Variants in ZNF609 observed in about 807,000 individuals in gnomAD.
ZNF609 encodes zinc finger protein 609.
In ZNF609, 11 loss-of-function variants were observed where a neutral mutation model predicts 109.5. The observed-to-expected ratio is 0.10, with a 90% CI of 0.06 to 0.17. The LOEUF (loss-of-function observed/expected upper bound fraction) is 0.17. ZNF609 is among the 10% of genes least tolerant of loss of function. ZNF609 has a pLI of 1.00. For synonymous variants in ZNF609, 646 were observed against 662.0 expected, an observed-to-expected ratio of 0.98 and a Z score of 0.37; for missense variants, 1,559 against 1,772.4, an observed-to-expected ratio of 0.88 and a Z score of 2.16.
At chr15:64,582,812 C>G (rs1356872906) in intron 2 of ZNF609, among the ~76,000 whole-genome samples, 1 of 116,480 alleles carries the variant, frequency 8.6e-6, no homozygotes, top group Non-Finnish European at 1.6e-5. Flanking sequence ...AGTGCAGTGG[C>G]GTAATCTCGG....
At chr15:64,633,209 G>A (rs1317878225) in intron 3 of ZNF609, among the ~76,000 whole-genome samples, 1 of 151,514 alleles carries the variant, frequency 6.6e-6, no homozygotes, top group Non-Finnish European at 1.5e-5. Flanking sequence ...GTGCAGTGGC[G>A]TGATCACAGC....
intron 1 of ZNF609, among the ~76,000 whole-genome samples, chr15:64,465,432 A>G (rs1893001359): frequency 6.6e-6 from 1 of 151,690 alleles, no homozygotes; most frequent in South Asian, 2.1e-4. Context: ...CCCAGGCTGG[A>G]GTGTAATGGT....
chr15:64,667,085 C>T (rs1299538077), intron 3 of ZNF609, among the ~76,000 whole-genome samples: 1 of 151,912 alleles, frequency 6.6e-6, no homozygotes, highest in Non-Finnish European at 1.5e-5. Context: ...AGCCGAGATT[C>T]GTGCCACTGC....
chr15:64,609,382 C>T (rs895415018), intron 2 of ZNF609, among the ~76,000 whole-genome samples: 6 of 151,558 alleles, frequency 4.0e-5, no homozygotes, highest in African/African-American at 1.2e-4. Flanking sequence ...GGGGTTTCAC[C>T]TTGTTAGCCA....
intron 1 of ZNF609, among the ~76,000 whole-genome samples, chr15:64,484,269 GA>G (rs1893299329): frequency 6.6e-6 from 1 of 152,316 alleles, no homozygotes; most frequent in African/African-American, 2.4e-5. Context: ...TGACTGAGGT[GA>G]AAAGTAAATG....
In ZNF609 at chr15:64,674,848, C is replaced by A. The variant is rs370988343; in HGVS notation, c.1994C>A (p.Pro665Gln). 13 of 1,614,042 alleles carry A rather than the reference C, an allele frequency of 8.1e-6. No homozygotes were observed. The East Asian group carries it at 2.0e-4, about 25-fold the overall frequency. ...SARPIAPAIP[P>Q]QQIYTFQTAT... Reference sequence around the variant, plus strand: ...CGTCCCATTGCCCCTGCCATCCCCCCACAGCAAATCTACACCTTCCAGACA... The same window carrying A: ...CGTCCCATTGCCCCTGCCATCCCCCAACAGCAAATCTACACCTTCCAGACA... The change falls in exon 5 of 10, where the codon CCA (proline) becomes CAA (glutamine). Residue 665 changes from proline (P) to glutamine (Q), a missense_variant. Physicochemically the swap from Pro to Gln is moderately conservative, Grantham distance 76. This residue lies in a region of ZNF609 where 1,204 missense variants were observed against 1,314.1 expected (regional missense o/e 0.92). Transcript: ENST00000326648.
At chr15:64,659,503 G>GAA (rs982941549) in intron 3 of ZNF609, among the ~76,000 whole-genome samples, 3 of 152,182 alleles carry the variant, frequency 2.0e-5, no homozygotes, top group African/African-American at 7.2e-5. Flanking sequence ...GGTGATAAGG[G>GAA]AAAGACTACT....
At chr15:64,545,301 C>T (rs763363601) in intron 2 of ZNF609, among the ~76,000 whole-genome samples, 1 of 151,950 alleles carries the variant, frequency 6.6e-6, no homozygotes, top group Non-Finnish European at 1.5e-5. Context: ...TGGGCTCAAG[C>T]CAATCTCCCA....
rs1292284630 is a variant in ZNF609 at position 64,683,147 on chromosome 15, G to A, written c.*1461G>A. On this transcript the variant is annotated 3_prime_UTR_variant, in exon 10 of 10. Coordinates refer to ENST00000326648, the MANE Select transcript of ZNF609 (RefSeq NM_015042.2). ...AGGTGTGGGGAGCTTAGCTTACTTG[G>A]CTTTTGAGGTATCATCCCTCTGTTC... The A allele has an allele frequency of 1.3e-5, 2 of 152,584 alleles. No homozygotes were observed. The highest frequency in any genetic ancestry group is 1.5e-5 in the Non-Finnish European group (1 of 68,032). 9.5% of individuals were successfully genotyped at this position (152,584 alleles called of 1,614,324 possible). A position where few individuals can be genotyped will look rare whatever the true frequency, so the allele number is the denominator to read the frequency against.
intron 3 of ZNF609, among the ~76,000 whole-genome samples, chr15:64,667,102 G>C (rs1896659535): frequency 1.3e-5 from 2 of 152,072 alleles, no homozygotes; most frequent in African/African-American, 4.8e-5. Flanking sequence ...CTGCACTTCA[G>C]CCTGGGCGAC....
intron 1 of ZNF609, among the ~76,000 whole-genome samples, chr15:64,490,269 GTTGTT>G (rs1566996649): frequency 1.8e-4 from 3 of 16,686 alleles, no homozygotes; most frequent in Non-Finnish European, 1.1e-3. Context: ...CCGGCCAGTA[GTTGTT>G]TTTTTTTTTT....
intron 4 of ZNF609, among the ~76,000 whole-genome samples, chr15:64,673,606 A>G (rs928339247): frequency 1.3e-5 from 2 of 152,204 alleles, no homozygotes; most frequent in African/African-American, 2.4e-5. Context: ...CCTGGCCTCA[A>G]TTTCCTGTAT....
At chr15:64,641,729 A>G (rs1896262447) in intron 3 of ZNF609, among the ~76,000 whole-genome samples, 1 of 152,142 alleles carries the variant, frequency 6.6e-6, no homozygotes, top group Admixed American at 6.6e-5. Flanking sequence ...AAATTGGATC[A>G]GAATAACTGT....
chr15:64,467,506 A>G (rs184434052), intron 1 of ZNF609, among the ~76,000 whole-genome samples: 1 of 152,370 alleles, frequency 6.6e-6, no homozygotes, highest in East Asian at 1.9e-4. Context: ...TGATGAAAAC[A>G]CAGGACATAA....
chr15:64,621,381 ACT>A (rs1418850097), intron 2 of ZNF609, among the ~76,000 whole-genome samples: 1 of 149,484 alleles, frequency 6.7e-6, no homozygotes, highest in Non-Finnish European at 1.5e-5. Flanking sequence ...ATAGGATTTC[ACT>A]CTGTCACCCA....
At chr15:64,642,229 G>C (rs990686022) in intron 3 of ZNF609, among the ~76,000 whole-genome samples, 29 of 152,070 alleles carry the variant, frequency 1.9e-4, no homozygotes, top group African/African-American at 6.5e-4. Context: ...TGTCACCCAG[G>C]TTGGAGTGCA....
At chr15:64,668,228 C>G (rs1231585670) in intron 3 of ZNF609, among the ~76,000 whole-genome samples, 1 of 152,180 alleles carries the variant, frequency 6.6e-6, no homozygotes, top group Non-Finnish European at 1.5e-5. Flanking sequence ...AAAACCAGGA[C>G]TTCCACTTCA....
intron 2 of ZNF609, among the ~76,000 whole-genome samples, chr15:64,534,930 G>A (rs777939117): frequency 1.3e-5 from 2 of 151,922 alleles, no homozygotes; most frequent in South Asian, 2.1e-4. Context: ...CTACTCAGGA[G>A]GCTAAGTCAG....
intron 2 of ZNF609, among the ~76,000 whole-genome samples, chr15:64,612,627 C>CTTTTTTTTTTTTTTTTTATTTT (rs1895735400): frequency 1.5e-5 from 2 of 132,274 alleles, no homozygotes; most frequent in Non-Finnish European, 3.3e-5. Context: ...CCAGGAGCCT[C>CTTTTTTTTTTTTTTTTTATTTT]TTTTTTTTTT....
Sources: gnomAD v4.1 joint callset for allele counts (sites outside exome capture counted in the v4.1 genomes callset) on GRCh38, gnomAD v4.1.1 for gene constraint, gnomAD v4.1.1 regional missense constraint, MANE v1.5 for transcripts, NCBI Gene and HGNC (gene_info 2026-07-23, HGNC 2026-07-21) for gene names.